NAA11: variants seen among roughly 807,000 people sequenced by gnomAD.
NAA11 encodes the protein N-alpha-acetyltransferase 11.
In NAA11, 15 loss-of-function variants were observed where a neutral mutation model predicts 16.1. The ratio of observed to expected loss-of-function variants is 0.93; its 90% CI spans 0.62 to 1.44. The LOEUF (loss-of-function observed/expected upper bound fraction) is 1.44. Among genes scored for constraint, NAA11 ranks in the 40% most tolerant of loss-of-function variants. The pLI, the probability that NAA11 is intolerant of heterozygous loss-of-function variation, is 0.00. For synonymous variants in NAA11, 122 were observed against 112.4 expected, an observed-to-expected ratio of 1.09 and a Z score of -0.54; for missense variants, 298 against 291.3, an observed-to-expected ratio of 1.02 and a Z score of -0.17.
chr4:79,281,205 G>A (rs1389751997), intron 2 of NAA11, among the ~76,000 whole-genome samples: 2 of 151,712 alleles, frequency 1.3e-5, no homozygotes, highest in Non-Finnish European at 2.9e-5. Context: ...GGCAAACATG[G>A]GCAGTCTGAA....
At position 79,317,484 on chromosome 4, in the gene NAA11, T is replaced by A. The variant is rs1015221728; in HGVS notation, c.*320A>T. On this transcript the variant is annotated 3_prime_UTR_variant, in exon 2 of 2. Coordinates refer to ENST00000286794, the MANE Select transcript of NAA11 (RefSeq NM_032693.3). ...TTCATCATTCTAAAAGGAGAAAAAC[T>A]TGCAGGATAACCACACCCAACAGAG... The A allele has an allele frequency of 1.8e-4, 27 of 152,178 alleles. No individual in the cohort carries two copies. Among genetic ancestry groups the A allele is most frequent in the African/African-American group, 6.5e-4 (27 of 41,438 alleles). The allele number at this position is 152,178 out of a possible 1,614,324, so 9.4% of individuals were successfully genotyped here. A position where few individuals can be genotyped will look rare whatever the true frequency, so the allele number is the denominator to read the frequency against.
chr4:79,228,355 A>G (rs964857715), intron 2 of NAA11, among the ~76,000 whole-genome samples: 2 of 151,988 alleles, frequency 1.3e-5, no homozygotes, highest in Admixed American at 6.6e-5. Flanking sequence ...TTATGATATC[A>G]TTTATGTACA....
chr4:79,256,101 C>G (rs1034811577), intron 2 of NAA11, among the ~76,000 whole-genome samples: 1 of 152,130 alleles, frequency 6.6e-6, no homozygotes, highest in African/African-American at 2.4e-5. Flanking sequence ...CTGCCTCCTA[C>G]TTCAGTTGGG....
intron 2 of NAA11, among the ~76,000 whole-genome samples, chr4:79,264,823 G>A (rs1722310695): frequency 1.3e-5 from 2 of 152,112 alleles, no homozygotes; most frequent in Admixed American, 6.5e-5. Context: ...TCATTTCATA[G>A]GTTATCTGAT....
chr4:79,307,038 C>T (rs1723604556), intron 1 of NAA11: 1 of 152,212 alleles, frequency 6.6e-6, no homozygotes, highest in Admixed American at 6.5e-5. Context: ...TTTATGTAAA[C>T]GATGCTTCAT....
intron 2 of NAA11, among the ~76,000 whole-genome samples, chr4:79,265,601 TTTC>T (rs994595723): frequency 1.2e-4 from 18 of 152,148 alleles, no homozygotes; most frequent in Admixed American, 5.9e-4. Flanking sequence ...GCATTTACTG[TTTC>T]TTCTTCTTGA....
At chr4:79,167,264 TATATATAGAG>T in the NAA11 span, among the ~76,000 whole-genome samples, 1 of 120,266 alleles carries the variant, frequency 8.3e-6, no homozygotes, top group Non-Finnish European at 1.7e-5. Context: ...CATATATATA[TATATATAGAG>T]AGAGAGAGAG....
At chr4:79,304,755 G>C (rs781696351) in intron 1 of NAA11, among the ~76,000 whole-genome samples, 1 of 152,114 alleles carries the variant, frequency 6.6e-6, no homozygotes, top group African/African-American at 2.4e-5. Flanking sequence ...TGAAACACTT[G>C]AATCTAGGTA....
intron 2 of NAA11, among the ~76,000 whole-genome samples, chr4:79,267,945 G>A (rs945792298): frequency 3.3e-5 from 5 of 152,096 alleles, no homozygotes; most frequent in Non-Finnish European, 7.4e-5. Context: ...ATGTTCACCA[G>A]TACTATATTA....
chr4:79,265,707 T>C (rs1188084724), intron 2 of NAA11, among the ~76,000 whole-genome samples: 1 of 152,140 alleles, frequency 6.6e-6, no homozygotes, highest in African/African-American at 2.4e-5. Context: ...TATGACCAAG[T>C]TTTATGAAAT....
intron 2 of NAA11, among the ~76,000 whole-genome samples, chr4:79,256,653 T>TATATAA (rs1462408683): frequency 3.5e-5 from 5 of 141,266 alleles, no homozygotes; most frequent in African/African-American, 1.3e-4. Flanking sequence ...TAAATATAAA[T>TATATAA]ATATATATAT....
intron 2 of NAA11, among the ~76,000 whole-genome samples, chr4:79,289,334 A>G (rs1723025109): frequency 6.6e-6 from 1 of 152,228 alleles, no homozygotes; most frequent in African/African-American, 2.4e-5. Context: ...TGAGAGAAAA[A>G]TCTCAAAACA....
At chr4:79,167,224 TATATGTATGTATACACAC>T in the NAA11 span, among the ~76,000 whole-genome samples, 1 of 120,390 alleles carries the variant, frequency 8.3e-6, no homozygotes, top group African/African-American at 3.2e-5. Context: ...TATATACACA[TATATGTATGTATACACAC>T]ACACACACCC....
At chr4:79,252,791 G>T (rs1204293395) in intron 2 of NAA11, among the ~76,000 whole-genome samples, 1 of 152,164 alleles carries the variant, frequency 6.6e-6, no homozygotes, top group Admixed American at 6.5e-5. Context: ...AAAGAGATAT[G>T]CACATATCAC....
the NAA11 span, among the ~76,000 whole-genome samples, chr4:79,215,768 A>G: frequency 6.6e-6 from 1 of 152,244 alleles, no homozygotes; most frequent in Non-Finnish European, 1.5e-5. Context: ...TAGTCCAAGT[A>G]GTCAAGAACT....
At chr4:79,244,308 C>G (rs927042608) in intron 2 of NAA11, among the ~76,000 whole-genome samples, 2 of 143,760 alleles carry the variant, frequency 1.4e-5, no homozygotes, top group African/African-American at 5.0e-5. Flanking sequence ...CCCACCAGTC[C>G]GCTTCATTGG....
At chr4:79,199,451 G>A in the NAA11 span, among the ~76,000 whole-genome samples, 1 of 151,604 alleles carries the variant, frequency 6.6e-6, no homozygotes, top group Non-Finnish European at 1.5e-5. Context: ...GCATCAGAAG[G>A]GACTCTGTGA....
the NAA11 span, among the ~76,000 whole-genome samples, chr4:79,200,034 C>G: frequency 6.6e-6 from 1 of 151,694 alleles, no homozygotes. Context: ...AATGTGCTTC[C>G]TCATTCATTT....
chr4:79,204,928 T>TATATACAC, the NAA11 span, among the ~76,000 whole-genome samples: 5 of 147,786 alleles, frequency 3.4e-5, no homozygotes, highest in Admixed American at 3.4e-4. Flanking sequence ...ATGGTGTGTA[T>TATATACAC]ACACACACAC....
Sources: gnomAD v4.1 joint callset for allele counts (sites outside exome capture counted in the v4.1 genomes callset) on GRCh38, gnomAD v4.1.1 for gene constraint, MANE v1.5 for transcripts, NCBI Gene and HGNC (gene_info 2026-07-23, HGNC 2026-07-21) for gene names.